FRMPD1: variants seen among roughly 807,000 people sequenced by gnomAD.
FRMPD1 encodes the protein FERM and PDZ domain-containing protein 1.
Under a neutral mutation model 117.8 loss-of-function variants are expected in FRMPD1, and 76 were observed. The observed-to-expected ratio is 0.65, with a 90% CI of 0.54 to 0.78. The LOEUF is 0.78. FRMPD1 is among the 30% of genes least tolerant of loss of function. FRMPD1 has a pLI of 0.00. For synonymous variants in FRMPD1, 783 were observed against 770.4 expected (o/e 1.02, Z -0.27); for missense variants, 1,786 against 1,964.5 (o/e 0.91, Z 1.72).
At chr9:37,615,234 T>A in the FRMPD1 span, among the ~76,000 whole-genome samples, 1 of 152,152 alleles carries the variant, frequency 6.6e-6, no homozygotes, top group Non-Finnish European at 1.5e-5. Flanking sequence ...TATGTCAGCC[T>A]CCTGAGTAGC....
chr9:37,746,575 G>C lies in FRMPD1; in HGVS notation c.4543G>C (p.Ala1515Pro). Residue 1515 changes from alanine (A) to proline (P), a missense_variant, in exon 16 of 16, where the codon GCC (alanine) becomes CCC (proline). Coordinates refer to ENST00000377765, the MANE Select transcript of FRMPD1 (RefSeq NM_014907.3). Reference sequence around the variant, plus strand: ...GTTCACAGACTGTAGCCGCTGCTCCGCCCGGCACAGGGAGGCAGCGGGGAA... The same window carrying C: ...GTTCACAGACTGTAGCCGCTGCTCCCCCCGGCACAGGGAGGCAGCGGGGAA... ...FQFTDCSRCS[A>P]RHREAAGNLR... 1 of 1,613,738 alleles carries C rather than the reference G, an allele frequency of 6.2e-7. No homozygotes were observed. Among genetic ancestry groups the C allele is most frequent in the Non-Finnish European group, 8.5e-7 (1 of 1,179,930 alleles).
intron 6 of FRMPD1, 76 bp downstream of exon 6, chr9:37,719,252 G>C (rs1354488338): frequency 1.1e-6 from 1 of 878,960 alleles, no homozygotes; most frequent in East Asian, 2.4e-5. Context: ...TGAACCTCTG[G>C]AATTCCACAG....
At chr9:37,682,607 C>T (rs747749558) in intron 1 of FRMPD1, among the ~76,000 whole-genome samples, 34 of 152,132 alleles carry the variant, frequency 2.2e-4, no homozygotes, top group Non-Finnish European at 4.3e-4. Context: ...TTCAGCATTC[C>T]CTAGGTTTTA....
chr9:37,741,203 G>C (rs1486061922), intron 15 of FRMPD1, among the ~76,000 whole-genome samples: 9 of 152,170 alleles, frequency 5.9e-5, no homozygotes. Flanking sequence ...GAAAGGGCTT[G>C]ACAGGAGTGC....
intron 2 of FRMPD1, among the ~76,000 whole-genome samples, chr9:37,694,909 T>G (rs1822267843): frequency 6.6e-6 from 1 of 152,188 alleles, no homozygotes; most frequent in Non-Finnish European, 1.5e-5. Context: ...TCATTCTTTT[T>G]TATTGTCAAA....
At chr9:37,626,833 C>G in the FRMPD1 span, among the ~76,000 whole-genome samples, 1 of 151,882 alleles carries the variant, frequency 6.6e-6, no homozygotes, top group Non-Finnish European at 1.5e-5. Context: ...TACCACATAC[C>G]TACTGAATCA....
Position 37,685,651 on chromosome 9 carries a change from C to CA in FRMPD1, c.-4-6973dup, listed in dbSNP as rs58838015. ...TAGGCGAGAAAGCGAGACTCCGTCT[C>CA]AAAAAAAAAAAAAATTTGCCTTCCA... On this transcript the variant is annotated intron_variant, in intron 1 of 15. Coordinates refer to ENST00000377765, the MANE Select transcript of FRMPD1 (RefSeq NM_014907.3). Among the ~76,000 whole-genome samples the CA allele has an allele frequency of 7.4e-3, 1,063 of 144,452 alleles. 4 individuals are homozygous for CA. Among genetic ancestry groups the CA allele is most frequent in the Non-Finnish European group, 0.011 (711 of 65,104 alleles). 94.8% of individuals were successfully genotyped at this position (144,452 alleles called of 152,430 possible).
intron 1 of FRMPD1, among the ~76,000 whole-genome samples, chr9:37,685,097 CTT>C (rs1445745174): frequency 6.6e-6 from 1 of 152,080 alleles, no homozygotes; most frequent in Non-Finnish European, 1.5e-5. Flanking sequence ...ACTTGTAAAA[CTT>C]TTACATCTCC....
At chr9:37,662,924 C>G (rs1331767357) in intron 1 of FRMPD1, among the ~76,000 whole-genome samples, 1 of 152,148 alleles carries the variant, frequency 6.6e-6, no homozygotes, top group Non-Finnish European at 1.5e-5. Flanking sequence ...GAGAATTAAT[C>G]TATCTTTTGC....
At chr9:37,639,290 A>G in the FRMPD1 span, among the ~76,000 whole-genome samples, 2 of 152,106 alleles carry the variant, frequency 1.3e-5, no homozygotes, top group Non-Finnish European at 2.9e-5. Flanking sequence ...TTGCAAGGGT[A>G]TGATGTCATA....
chr9:37,705,117 T>G (rs1822657809), intron 2 of FRMPD1, among the ~76,000 whole-genome samples: 1 of 152,142 alleles, frequency 6.6e-6, no homozygotes, highest in Non-Finnish European at 1.5e-5. Context: ...GTGTTTTGTG[T>G]TTTTATCCTG....
At chr9:37,633,952 A>T in the FRMPD1 span, among the ~76,000 whole-genome samples, 10 of 152,224 alleles carry the variant, frequency 6.6e-5, no homozygotes, top group Admixed American at 2.6e-4. Flanking sequence ...GTTTAACAAC[A>T]GTGTTTAAAA....
intron 1 of FRMPD1, among the ~76,000 whole-genome samples, chr9:37,654,159 G>A (rs2119360945): frequency 6.6e-6 from 1 of 152,288 alleles, no homozygotes; most frequent in South Asian, 2.1e-4. Flanking sequence ...CCTTCCTGGA[G>A]TTTATATTCT....
chr9:37,707,705 A>C, intron 3 of FRMPD1, 132 bp downstream of exon 3: 1 of 759,126 alleles, frequency 1.3e-6, no homozygotes, highest in Non-Finnish European at 2.2e-6. Context: ...GGCACACCTA[A>C]TTCTGTCTTG....
At chr9:37,687,064 A>C (rs1013258607) in intron 1 of FRMPD1, among the ~76,000 whole-genome samples, 1 of 152,126 alleles carries the variant, frequency 6.6e-6, no homozygotes, top group Non-Finnish European at 1.5e-5. Context: ...GTGTCCCTCT[A>C]CGTCATCCTC....
At position 37,745,027 on chromosome 9, in the gene FRMPD1, A is replaced by G. The variant is rs1300301517; in HGVS notation, c.2995A>G (p.Ile999Val). 3 of 1,614,088 alleles carry G rather than the reference A, an allele frequency of 1.9e-6. No individual in the cohort carries two copies. In the East Asian group the frequency reaches 6.7e-5, roughly 36 times the overall value. Reference protein sequence around the residue: ...ILPLSQDLDGIAPKEPTIEHG... With the variant: ...ILPLSQDLDGVAPKEPTIEHG... ...ACCTCTATCTCAAGACCTGGATGGG[A>G]TTGCCCCCAAAGAACCAACCATAGA... Residue 999 changes from isoleucine to valine, a missense_variant, in exon 16 of 16, where the codon ATT becomes GTT. Physicochemically the swap from Ile to Val is conservative, Grantham distance 29. Transcript: ENST00000377765.
the FRMPD1 span, among the ~76,000 whole-genome samples, chr9:37,614,920 C>T: frequency 3.9e-5 from 6 of 152,072 alleles, no homozygotes; most frequent in African/African-American, 1.2e-4. Context: ...AATTAGATTG[C>T]TTGATAAGTG....
At chr9:37,721,873 A>C (rs1823413831) in intron 6 of FRMPD1, among the ~76,000 whole-genome samples, 1 of 152,244 alleles carries the variant, frequency 6.6e-6, no homozygotes, top group South Asian at 2.1e-4. Flanking sequence ...ATTGGGTAGA[A>C]AATAAACATA....
chr9:37,626,321 T>G, the FRMPD1 span, among the ~76,000 whole-genome samples: 4 of 151,328 alleles, frequency 2.6e-5, no homozygotes, highest in Admixed American at 1.3e-4. Context: ...AGAGCGAGAC[T>G]CCATCTGAAA....
Sources: allele counts gnomAD v4.1 joint callset (sites outside exome capture counted in the v4.1 genomes callset), GRCh38; gene constraint gnomAD v4.1.1; transcripts MANE v1.5; gene names NCBI Gene and HGNC (gene_info 2026-07-23, HGNC 2026-07-21).